Variants in IL1RAPL1 observed in about 807,000 individuals in gnomAD.
The protein encoded by IL1RAPL1 is interleukin 1 receptor accessory protein like 1.
In IL1RAPL1, 3 loss-of-function variants were observed where a neutral mutation model predicts 48.4. The ratio of observed to expected loss-of-function variants is 0.06; its 90% CI spans 0.03 to 0.16. The LOEUF (loss-of-function observed/expected upper bound fraction) is 0.16. Ranked by LOEUF, IL1RAPL1 falls within the 10% of genes least tolerant of loss-of-function variation. The pLI, the probability that IL1RAPL1 is intolerant of heterozygous loss-of-function variation, is 1.00. For synonymous variants in IL1RAPL1, 185 were observed against 187.7 expected (o/e 0.99, Z 0.12); for missense variants, 349 against 530.6 (o/e 0.66, Z 3.36).
intron 2 of IL1RAPL1, among the ~76,000 whole-genome samples, chrX:29,146,746 A>G (rs986532780): frequency 1.8e-5 from 2 of 112,197 alleles, no homozygotes; most frequent in African/African-American, 6.5e-5. Context: ...GAAAACAAGT[A>G]TTAATGGTCC....
At chrX:28,774,439 C>T (rs1310250260) in intron 1 of IL1RAPL1, among the ~76,000 whole-genome samples, 1 of 111,311 alleles carries the variant, frequency 9.0e-6, no homozygotes, top group Non-Finnish European at 1.9e-5. Flanking sequence ...GGGCAGCAGT[C>T]ATCTCAGGGT....
At chrX:29,408,380 G>A (rs745321605) in intron 5 of IL1RAPL1, among the ~76,000 whole-genome samples, 3 of 111,256 alleles carry the variant, frequency 2.7e-5, no homozygotes, top group Non-Finnish European at 5.7e-5. Context: ...TTAAAACAAA[G>A]TAACAACTGT....
intron 6 of IL1RAPL1, among the ~76,000 whole-genome samples, chrX:29,916,218 ATGTGTCTTTATAGCAGCATGAT>A (rs1468106588): frequency 9.4e-6 from 1 of 106,679 alleles, no homozygotes; most frequent in Non-Finnish European, 1.9e-5. Context: ...ATACGTGTGC[ATGTGTCTTTATAGCAGCATGAT>A]TTATAGTCAT....
intron 6 of IL1RAPL1, among the ~76,000 whole-genome samples, chrX:29,896,417 A>G (rs1334205735): frequency 1.8e-5 from 2 of 112,392 alleles, no homozygotes; most frequent in East Asian, 5.6e-4. Context: ...CAACCAGAGA[A>G]GTAGAGCAGT....
intron 4 of IL1RAPL1, 86 bp downstream of exon 4, chrX:29,396,530 G>C: frequency 1.2e-6 from 1 of 839,142 alleles, no homozygotes; most frequent in Non-Finnish European, 1.8e-6. Flanking sequence ...AACTTAGATG[G>C]GTGTGATATA....
intron 2 of IL1RAPL1, among the ~76,000 whole-genome samples, chrX:28,905,979 TA>T (rs762693559): frequency 2.7e-5 from 3 of 112,057 alleles, no homozygotes; most frequent in Non-Finnish European, 3.8e-5. Context: ...GGGTAGTTTA[TA>T]AAAGTAAGAG....
At chrX:29,406,385 T>TC (rs1189053345) in intron 5 of IL1RAPL1, among the ~76,000 whole-genome samples, 3 of 83,964 alleles carry the variant, frequency 3.6e-5, no homozygotes, top group Non-Finnish European at 7.9e-5. Context: ...CGAGACTCTG[T>TC]CTCAAAAAAA....
At chrX:29,464,968 G>A (rs1014234220) in intron 5 of IL1RAPL1, among the ~76,000 whole-genome samples, 2 of 111,427 alleles carry the variant, frequency 1.8e-5, no homozygotes, top group African/African-American at 6.5e-5. Context: ...TACCTATTGG[G>A]TACTATGGTT....
At chrX:29,465,043 A>C (rs1934846524) in intron 5 of IL1RAPL1, among the ~76,000 whole-genome samples, 1 of 112,141 alleles carries the variant, frequency 8.9e-6, no homozygotes, top group Non-Finnish European at 1.9e-5. Context: ...CCTGTATAAC[A>C]AACCTGCAAC....
At chrX:29,581,652 AT>A (rs1178012756) in intron 5 of IL1RAPL1, among the ~76,000 whole-genome samples, 7 of 109,403 alleles carry the variant, frequency 6.4e-5, no homozygotes, top group African/African-American at 1.3e-4. Flanking sequence ...ATGGACACTG[AT>A]TTTTTTTTTA....
chrX:29,744,296 C>A (rs1928277750), intron 6 of IL1RAPL1, among the ~76,000 whole-genome samples: 1 of 111,620 alleles, frequency 9.0e-6, no homozygotes, highest in African/African-American at 3.3e-5. Context: ...GTCCAAAGAC[C>A]TTTTAAATAA....
intron 6 of IL1RAPL1, among the ~76,000 whole-genome samples, chrX:29,827,543 A>G (rs1408992940): frequency 8.9e-6 from 1 of 111,785 alleles, no homozygotes; most frequent in African/African-American, 3.3e-5. Flanking sequence ...ACAGTGGGGA[A>G]AGGTAAGGTG....
At chrX:29,578,974 G>A (rs1922870180) in intron 5 of IL1RAPL1, among the ~76,000 whole-genome samples, 1 of 111,806 alleles carries the variant, frequency 8.9e-6, no homozygotes, top group Non-Finnish European at 1.9e-5. Context: ...GTCAGCTGTT[G>A]GTCATCAGGG....
chrX:28,608,813 C>T (rs1016831439), intron 1 of IL1RAPL1, among the ~76,000 whole-genome samples: 1 of 111,374 alleles, frequency 9.0e-6, no homozygotes, highest in African/African-American at 3.3e-5. Context: ...AGTTTTAAGA[C>T]CAAAATTTAA....
At chrX:28,976,670 G>A (rs1455139611) in intron 2 of IL1RAPL1, among the ~76,000 whole-genome samples, 1 of 111,486 alleles carries the variant, frequency 9.0e-6, no homozygotes, top group Non-Finnish European at 1.9e-5. Context: ...AGGTTACCCA[G>A]GAAGTGAGTA....
chrX:29,274,687 G>C (rs918424791), intron 2 of IL1RAPL1, among the ~76,000 whole-genome samples: 6 of 112,118 alleles, frequency 5.4e-5, no homozygotes, highest in Admixed American at 9.5e-5. Flanking sequence ...AAGCAATAAC[G>C]TTCTGCTGTA....
intron 5 of IL1RAPL1, among the ~76,000 whole-genome samples, chrX:29,613,197 T>TTTTAATAGTATA (rs1402042785): frequency 5.3e-5 from 6 of 112,674 alleles, no homozygotes; most frequent in African/African-American, 1.9e-4. Flanking sequence ...GTGAAATTAA[T>TTTTAATAGTATA]TTTAATAGTA....
intron 6 of IL1RAPL1, among the ~76,000 whole-genome samples, chrX:29,784,294 T>A (rs150129547): frequency 0.011 from 1,177 of 111,650 alleles, 11 homozygotes; most frequent in African/African-American, 0.036. Flanking sequence ...AAGTACCCTA[T>A]GTGTTTAACT....
At chrX:29,347,144 G>C (rs891759911) in intron 3 of IL1RAPL1, among the ~76,000 whole-genome samples, 4 of 110,796 alleles carry the variant, frequency 3.6e-5, no homozygotes, top group African/African-American at 1.3e-4. Context: ...ACCATGGATA[G>C]TACTGAACCT....
Sources: gnomAD v4.1 joint callset for allele counts (sites outside exome capture counted in the v4.1 genomes callset) on GRCh38, gnomAD v4.1.1 for gene constraint, MANE v1.5 for transcripts, NCBI Gene and HGNC (gene_info 2026-07-23, HGNC 2026-07-21) for gene names.